The following AKR1E2 variants were observed in gnomAD, a reference collection of about 807,000 sequenced individuals.
The protein encoded by AKR1E2 is aldo-keto reductase family 1 member E2.
In AKR1E2, 43 loss-of-function variants were observed where a neutral mutation model predicts 41.9. The observed-to-expected ratio is 1.03, with a 90% CI of 0.80 to 1.32. The LOEUF is 1.32. Among genes scored for constraint, AKR1E2 ranks in the 40% most tolerant of loss-of-function variants. The pLI is 0.00. For missense variants in AKR1E2, 423 were observed against 396.5 expected, an observed-to-expected ratio of 1.07 and a Z score of -0.57; for synonymous variants, 121 against 138.9, an observed-to-expected ratio of 0.87 and a Z score of 0.91.
downstream of AKR1E2, among the ~76,000 whole-genome samples, chr10:4,849,955 A>G (rs573367588): frequency 1.4e-4 from 21 of 152,318 alleles, no homozygotes; most frequent in African/African-American, 5.1e-4. Context: ...GAAGGAAACA[A>G]TGGATAGCAA....
chr10:4,839,756 A>T lies in AKR1E2; in HGVS notation c.610A>T (p.Lys204Ter), dbSNP rs758732607. 1.5e-5 allele frequency: 25 copies of T among 1,613,992 alleles called. No individual in the cohort carries two copies. In the Admixed American group the frequency reaches 2.7e-4, roughly 17 times the overall value. ...QIECHPYLTQ[K>*]NLISFCQSRD... ...TGAGTGCCACCCATATCTTACTCAGAAGAATCTGATCAGTTTTTGCCAATC... is the reference window on the plus strand; with the variant it reads ...TGAGTGCCACCCATATCTTACTCAGTAGAATCTGATCAGTTTTTGCCAATC... Residue 204 changes from lysine to a stop codon, truncating the protein, a stop_gained, in exon 6 of 10, where the codon AAG (lysine) becomes TAG (stop). Coordinates refer to ENST00000298375, the MANE Select transcript of AKR1E2 (RefSeq NM_001040177.3). LOFTEE classifies it high-confidence loss of function.
chr10:4,826,410 G>C, intron 1 of AKR1E2, 47 bp downstream of exon 1: 1 of 1,229,414 alleles, frequency 8.1e-7, no homozygotes, highest in East Asian at 3.2e-5. Context: ...AGGGGAGCGC[G>C]GGACTTGGGG....
At chr10:4,846,810 CTGGG>C (rs1447457012) in intron 8 of AKR1E2, among the ~76,000 whole-genome samples, 4 of 152,154 alleles carry the variant, frequency 2.6e-5, no homozygotes, top group Admixed American at 2.0e-4. Context: ...TCCCAAAGTG[CTGGG>C]ATTACAGGCG....
chr10:4,867,877 A>T, the AKR1E2 span, among the ~76,000 whole-genome samples: 1 of 152,142 alleles, frequency 6.6e-6, no homozygotes, highest in Admixed American at 6.5e-5. Flanking sequence ...TTATCTTTGT[A>T]ACGAAAACCT....
chr10:4,859,612 C>G, the AKR1E2 span, among the ~76,000 whole-genome samples: 1 of 152,210 alleles, frequency 6.6e-6, no homozygotes, highest in Non-Finnish European at 1.5e-5. Flanking sequence ...GCCCGCACTT[C>G]TCATATTTCT....
chr10:4,871,929 A>T, the AKR1E2 span: 1 of 151,590 alleles, frequency 6.6e-6, no homozygotes, highest in African/African-American at 2.4e-5. Flanking sequence ...AATCTGGGTG[A>T]TGAGAAAAGC....
chr10:4,827,422 G>T lies in AKR1E2; in HGVS notation c.39+1059G>T, dbSNP rs115600994. Among the ~76,000 whole-genome samples the T allele has an allele frequency of 1.4e-3, 208 of 145,476 alleles. 1 individual carries two copies. The highest frequency in any genetic ancestry group is 4.9e-3 in the African/African-American group (199 of 41,002). Reference sequence around the variant, plus strand: ...GTAAGTCTTAAAAGCTGTGTCTCCTGTGTGTTTGAAACTTTGTACCCTTTG... The same window carrying T: ...GTAAGTCTTAAAAGCTGTGTCTCCTTTGTGTTTGAAACTTTGTACCCTTTG... On this transcript the variant is annotated intron_variant, in intron 1 of 9. Coordinates refer to ENST00000298375, the MANE Select transcript of AKR1E2 (RefSeq NM_001040177.3).
At chr10:4,837,274 C>A (rs561832669) in intron 4 of AKR1E2, among the ~76,000 whole-genome samples, 185 bp from the exon 5 acceptor site, 2 of 152,218 alleles carry the variant, frequency 1.3e-5, no homozygotes, top group Non-Finnish European at 2.9e-5. Flanking sequence ...CCAGCATCCT[C>A]TAGCCAGAAA....
Position 4,835,670 on chromosome 10 carries a change from C to T in AKR1E2, c.325-5C>T, listed in dbSNP as rs368726872. 7.9e-5 allele frequency: 128 copies of T among 1,613,346 alleles called. No individual in the cohort carries two copies. Among genetic ancestry groups the T allele is most frequent in the Middle Eastern group, 1.6e-4 (1 of 6,080 alleles). On this transcript the variant is annotated splice_region_variant and splice_polypyrimidine_tract_variant and intron_variant, in intron 3 of 9. Transcript: ENST00000298375. ...TTCACACATCTCAACTCTCCTTCTT[C>T]GCAGCCTCCTCATCCAGAATGGATC...
chr10:4,857,934 A>AAG, the AKR1E2 span, among the ~76,000 whole-genome samples: 1 of 151,926 alleles, frequency 6.6e-6, no homozygotes. Context: ...TGAAGAACCA[A>AAG]CTCATTGTTT....
downstream of AKR1E2, among the ~76,000 whole-genome samples, chr10:4,849,339 A>C (rs1834479349): frequency 6.6e-6 from 1 of 152,176 alleles, no homozygotes; most frequent in African/African-American, 2.4e-5. Context: ...TGTGCAAATT[A>C]CTTAACCTTT....
At chr10:4,853,059 A>C (rs1007134856), downstream of AKR1E2, among the ~76,000 whole-genome samples, 6 of 152,268 alleles carry the variant, frequency 3.9e-5, no homozygotes, top group Non-Finnish European at 8.8e-5. Flanking sequence ...AAGAAATTGA[A>C]TTCAATTAGG....
chr10:4,843,378 A>T (rs1184945832), intron 8 of AKR1E2, among the ~76,000 whole-genome samples: 1 of 152,218 alleles, frequency 6.6e-6, no homozygotes, highest in Non-Finnish European at 1.5e-5. Context: ...AGTCACCCTC[A>T]GTCACGGATG....
the AKR1E2 span, among the ~76,000 whole-genome samples, chr10:4,857,975 T>C: frequency 6.6e-6 from 1 of 152,174 alleles, no homozygotes; most frequent in African/African-American, 2.4e-5. Flanking sequence ...TTTGTAAATA[T>C]TTTCTATTTT....
intron 2 of AKR1E2, among the ~76,000 whole-genome samples, chr10:4,832,500 A>G (rs1276112273): frequency 6.6e-6 from 1 of 152,218 alleles, no homozygotes; most frequent in African/African-American, 2.4e-5. Context: ...AATTTGGAGC[A>G]AGTTGCTTCT....
the AKR1E2 span, among the ~76,000 whole-genome samples, chr10:4,867,243 G>A: frequency 1.3e-5 from 2 of 152,122 alleles, no homozygotes; most frequent in African/African-American, 4.8e-5. Context: ...TTGCAAAGGT[G>A]GATTCACAAC....
At chr10:4,837,345 T>C (rs1833507677) in intron 4 of AKR1E2, 114 bp from the exon 5 acceptor site, 2 of 1,398,414 alleles carry the variant, frequency 1.4e-6, no homozygotes, top group Non-Finnish European at 1.9e-6. Flanking sequence ...AGTAAAATAT[T>C]GTAAAAATAT....
chr10:4,838,682 G>A (rs1452823414), intron 5 of AKR1E2, among the ~76,000 whole-genome samples: 1 of 152,176 alleles, frequency 6.6e-6, no homozygotes, highest in East Asian at 1.9e-4. Flanking sequence ...GGGTCCTGTT[G>A]TAGCCACCAC....
downstream of AKR1E2, chr10:4,848,144 C>G (rs1834454312): frequency 7.0e-6 from 1 of 142,358 alleles, no homozygotes; most frequent in Non-Finnish European, 1.5e-5. Context: ...GTCAAGTGAT[C>G]TCAGCTCACT....
Sources: gnomAD v4.1 joint callset for allele counts (sites outside exome capture counted in the v4.1 genomes callset) on GRCh38, gnomAD v4.1.1 for gene constraint, MANE v1.5 for transcripts, NCBI Gene and HGNC (gene_info 2026-07-23, HGNC 2026-07-21) for gene names.